Variants in PNMA6E observed in about 807,000 individuals in gnomAD.
PNMA6E encodes the protein PNMA family member 6E.
For synonymous variants in PNMA6E, 43 were observed against 17.1 expected (o/e 2.52, Z -3.74); for missense variants, 78 against 50.8 (o/e 1.53, Z -1.63).
In PNMA6E at chrX:153,397,151, C is replaced by T. The variant is rs782058731; in HGVS notation, c.1699G>A (p.Glu567Lys). ...GEGESAPAGP[E>K]GLGQARPIEV... is the part of the protein sequence containing the mutation. ...ATGGGCCTTGCCTGACCTAGGCCTT[C>T]GGGGCCTGCAGGGGCACTTTCACCT... is the stretch of plus-strand genomic sequence containing the variant. The change falls in exon 2 of 2, where the codon GAA (glutamate) becomes AAA (lysine). Residue 567 changes from glutamate (E) to lysine (K), a missense_variant. Physicochemically the swap from Glu to Lys is moderately conservative, Grantham distance 56. Coordinates refer to ENST00000445091, the MANE Select transcript of PNMA6E (RefSeq NM_001367770.1). The T allele has an allele frequency of 1.3e-4, 39 of 297,030 alleles. No individual in the cohort carries two copies. Among genetic ancestry groups the T allele is most frequent in the African/African-American group, 1.4e-4 (5 of 36,871 alleles). 24.5% of individuals were successfully genotyped at this position (297,030 alleles called of 1,213,427 possible).
the PNMA6E span, among the ~76,000 whole-genome samples, chrX:153,413,403 C>G: frequency 1.6e-4 from 17 of 107,166 alleles, no homozygotes; most frequent in Admixed American, 1.1e-3. Context: ...GTGGAGCACC[C>G]TGCATACTCA....
chrX:153,407,667 C>G, the PNMA6E span, among the ~76,000 whole-genome samples: 2 of 111,510 alleles, frequency 1.8e-5, no homozygotes, highest in Non-Finnish European at 3.8e-5. Flanking sequence ...CCACCATGCC[C>G]GGCTAGAAGC....
the PNMA6E span, among the ~76,000 whole-genome samples, chrX:153,411,318 G>C: frequency 1.8e-5 from 2 of 112,911 alleles, no homozygotes; most frequent in African/African-American, 3.2e-5. Flanking sequence ...GAGCAGCCCA[G>C]ACAGAAAGCG....
chrX:153,398,719 G>A lies in PNMA6E; in HGVS notation c.131C>T (p.Ser44Leu), dbSNP rs1159994091. ...GAGTACTCGGTACCTGCCCAGGGGC[G>A]ACAGGGCAGCCCGCACGGCCTCCTG... Reference protein sequence around the residue: ...EFQEAVRAALSPLGRYRVLTK... With the variant: ...EFQEAVRAALLPLGRYRVLTK... The change falls in exon 2 of 2, where the codon TCG (serine) becomes TTG (leucine). Residue 44 changes from serine (S) to leucine (L), a missense_variant. Coordinates refer to ENST00000445091, the MANE Select transcript of PNMA6E (RefSeq NM_001367770.1). 8.5e-5 allele frequency: 26 copies of A among 307,442 alleles called. No individual in the cohort carries two copies. The highest frequency in any genetic ancestry group is 5.5e-4 in the Admixed American group (10 of 18,180). The allele number at this position is 307,442 out of a possible 1,213,427, so 25.3% of individuals were successfully genotyped here.
chrX:153,403,979 T>G (rs1036378923), upstream of PNMA6E: 1 of 82,156 alleles, frequency 1.2e-5, no homozygotes, highest in Non-Finnish European at 2.5e-5. Context: ...AGAAGCATGC[T>G]TCTTTTTTTT....
chrX:153,401,302 T>TC lies in PNMA6E; in HGVS notation c.-131dup, dbSNP rs1228015722. ...GTGGGAAGTCAGATATCTGGGTCTC[T>TC]CCGAAGGGTCTGAAGAGATCACCTC... is the stretch of plus-strand genomic sequence containing the variant. On this transcript the variant is annotated 5_prime_UTR_variant, in exon 1 of 2. Coordinates refer to ENST00000445091, the MANE Select transcript of PNMA6E (RefSeq NM_001367770.1). The TC allele has an allele frequency of 9.0e-6, 1 of 111,268 alleles. No individual in the cohort carries two copies. Among genetic ancestry groups the TC allele is most frequent in the Non-Finnish European group, 1.9e-5 (1 of 52,958 alleles). The allele number at this position is 111,268 out of a possible 1,213,427, so 9.2% of individuals were successfully genotyped here. A position where few individuals can be genotyped will look rare whatever the true frequency, so the allele number is the denominator to read the frequency against.
At chrX:153,401,982 G>A (rs782734638), upstream of PNMA6E, among the ~76,000 whole-genome samples, 2 of 109,000 alleles carry the variant, frequency 1.8e-5, no homozygotes, top group East Asian at 2.9e-4. Flanking sequence ...GCACTACCAC[G>A]CCCAGCTAAT....
At position 153,397,691 on chromosome X, in the gene PNMA6E, C is replaced by T. The variant is rs1009538871; in HGVS notation, c.1159G>A (p.Ala387Thr). 6.6e-6 allele frequency: 2 copies of T among 303,200 alleles called. No individual in the cohort carries two copies. The highest frequency in any genetic ancestry group is 2.7e-5 in the African/African-American group (1 of 36,898). 25.0% of individuals were successfully genotyped at this position (303,200 alleles called of 1,213,427 possible). ...GLLEEDTNLS[A>T]LDCLAALGQV... ...CCCAGCGCCGCCAGGCAGTCCAGCG[C>T]GGACAAGTTGGTATCTTCCTCCAGG... Residue 387 changes from alanine (A) to threonine (T), a missense_variant, in exon 2 of 2, where the codon GCG (alanine) becomes ACG (threonine). Transcript: ENST00000445091.
Position 153,397,775 on chromosome X carries a change from TCTC to T in PNMA6E, c.1072_1074del (p.Glu358del). 3.2e-6 allele frequency: 1 copy of T among 308,932 alleles called. No individual in the cohort carries two copies. The highest frequency in any genetic ancestry group is 8.5e-4 in the Middle Eastern group (1 of 1,171). 25.5% of individuals were successfully genotyped at this position (308,932 alleles called of 1,213,427 possible). A position where few individuals can be genotyped will look rare whatever the true frequency, so the allele number is the denominator to read the frequency against. On this transcript the variant is annotated inframe_deletion, in exon 2 of 2. Transcript: ENST00000445091. Reference sequence around the variant, plus strand: ...AAGCTCTCCAGCAGCCACCTCTTCTTCTCCCTTTCCGACGCATGGCACCACAGC... The same window carrying T: ...AAGCTCTCCAGCAGCCACCTCTTCTTCCTTTCCGACGCATGGCACCACAGC...
the PNMA6E span, among the ~76,000 whole-genome samples, chrX:153,409,058 G>A: frequency 8.8e-6 from 1 of 113,109 alleles, no homozygotes; most frequent in African/African-American, 3.2e-5. Context: ...CCAGGAGGGG[G>A]CTGCCTGTGA....
chrX:153,399,148 T>C (rs2088831517), intron 1 of PNMA6E, among the ~76,000 whole-genome samples: 2 of 112,424 alleles, frequency 1.8e-5, no homozygotes, highest in African/African-American at 6.5e-5. Flanking sequence ...GTTACTTTTT[T>C]TCCCCCACAA....
At chrX:153,399,341 T>TTTTG (rs1208155858) in intron 1 of PNMA6E, among the ~76,000 whole-genome samples, 1 of 110,023 alleles carries the variant, frequency 9.1e-6, no homozygotes, top group Non-Finnish European at 1.9e-5. Context: ...GTGTGTTGTT[T>TTTTG]TTTGTTTGTT....
At chrX:153,412,665 C>G in the PNMA6E span, among the ~76,000 whole-genome samples, 1 of 111,654 alleles carries the variant, frequency 9.0e-6, no homozygotes, top group Non-Finnish European at 1.9e-5. Flanking sequence ...ATCCCCTGTA[C>G]AAAGGCCCTG....
the PNMA6E span, among the ~76,000 whole-genome samples, chrX:153,406,881 G>A: frequency 1.2e-4 from 13 of 112,074 alleles, no homozygotes; most frequent in African/African-American, 3.9e-4. Context: ...GAGAGGGTCC[G>A]TTTAACAGAC....
At chrX:153,401,438 A>T (rs2088851507), upstream of PNMA6E, 1 of 111,896 alleles carries the variant, frequency 8.9e-6, no homozygotes, top group African/African-American at 3.3e-5. Context: ...TCCGAAAGAA[A>T]GTTCCAGACT....
rs1424092021 is a variant in PNMA6E at position 153,397,626 on chromosome X, C to T, written c.1224G>A (p.Arg408=). 1 of 298,617 alleles carries T rather than the reference C, an allele frequency of 3.3e-6. No individual in the cohort carries two copies. The highest frequency in any genetic ancestry group is 2.7e-5 in the African/African-American group (1 of 36,868). The allele number at this position is 298,617 out of a possible 1,213,427, so 24.6% of individuals were successfully genotyped here. A position where few individuals can be genotyped will look rare whatever the true frequency, so the allele number is the denominator to read the frequency against. The change falls in exon 2 of 2, where the codon AGG becomes AGA. Residue 408 remains arginine, a synonymous_variant. Coordinates refer to ENST00000445091, the MANE Select transcript of PNMA6E (RefSeq NM_001367770.1). ...CCTGCGTGCAGGTCAGGAACTTCAG[C>T]CTCGAAGTCATTCGAGTGTCCTGGT... ...FRNQDTRMTS[R]LKFLTCTQGP...
chrX:153,407,249 C>T, the PNMA6E span, among the ~76,000 whole-genome samples: 1 of 112,240 alleles, frequency 8.9e-6, no homozygotes, highest in East Asian at 2.8e-4. Flanking sequence ...CTGGGTGACT[C>T]TTCAGCTCCT....
At chrX:153,412,415 C>A in the PNMA6E span, among the ~76,000 whole-genome samples, 1 of 112,641 alleles carries the variant, frequency 8.9e-6, no homozygotes, top group South Asian at 3.7e-4. Context: ...CGGTAGTAAG[C>A]CCTGCCCTGT....
upstream of PNMA6E, among the ~76,000 whole-genome samples, chrX:153,402,896 A>G (rs1390208254): frequency 8.9e-6 from 1 of 112,729 alleles, no homozygotes; most frequent in East Asian, 2.8e-4. Flanking sequence ...ACTTCTGATG[A>G]GAATTCAGTA....
Sources: allele counts gnomAD v4.1 joint callset (sites outside exome capture counted in the v4.1 genomes callset), GRCh38; gene constraint gnomAD v4.1.1; transcripts MANE v1.5; gene names NCBI Gene and HGNC (gene_info 2026-07-23, HGNC 2026-07-21).